Variants in PSD3 observed in about 807,000 individuals in gnomAD.
The protein encoded by PSD3 is PH and SEC7 domain-containing protein 3.
A neutral mutation model predicts 105.5 loss-of-function variants in PSD3; 49 were observed. The ratio of observed to expected loss-of-function variants is 0.46; its 90% CI spans 0.37 to 0.59. PSD3 has a LOEUF of 0.59. Among genes scored for constraint, PSD3 ranks in the 20% least tolerant of loss-of-function variants. PSD3 has a pLI of 0.00. For synonymous variants in PSD3, 557 were observed against 457.8 expected (o/e 1.22, Z -2.77); for missense variants, 1,561 against 1,263.8 (o/e 1.24, Z -3.57).
chr8:18,652,828 A>G (rs1184842021), intron 10 of PSD3, among the ~76,000 whole-genome samples: 6 of 152,098 alleles, frequency 3.9e-5, no homozygotes, highest in Non-Finnish European at 8.8e-5. Flanking sequence ...GATCACATAC[A>G]CTGATAGATG....
At chr8:18,683,949 A>C (rs1001228356) in intron 9 of PSD3, 27 of 760,826 alleles carry the variant, frequency 3.5e-5, no homozygotes, top group East Asian at 1.9e-4. Context: ...AGGTCAACTA[A>C]GGAAGGGGTT....
intron 9 of PSD3, among the ~76,000 whole-genome samples, chr8:18,743,738 A>C (rs2129435277): frequency 6.6e-6 from 1 of 151,070 alleles, no homozygotes; most frequent in Middle Eastern, 3.4e-3. Context: ...GGAATTTGAG[A>C]CCAATCTGGG....
At position 18,655,483 on chromosome 8, in the gene PSD3, T is replaced by C. The variant is rs1408546321; in HGVS notation, c.2216+159A>G. 2.6e-5 allele frequency among the ~76,000 whole-genome samples: 4 copies of C among 152,184 alleles called. No individual in the cohort carries two copies. Among genetic ancestry groups the C allele is most frequent in the Non-Finnish European group, 5.9e-5 (4 of 68,038 alleles). On this transcript the variant is annotated intron_variant, in intron 10 of 15. Transcript: ENST00000327040. Reference sequence around the variant, plus strand: ...GAAATAGGTTTTACTTGTATCTGGGTTTACTTGTATAAAGCCACAAAGTAG... The same window carrying C: ...GAAATAGGTTTTACTTGTATCTGGGCTTACTTGTATAAAGCCACAAAGTAG...
At chr8:18,881,117 T>C (rs187956699) in intron 2 of PSD3, among the ~76,000 whole-genome samples, 2 of 152,350 alleles carry the variant, frequency 1.3e-5, no homozygotes, top group African/African-American at 4.8e-5. Context: ...TCCTAACAAA[T>C]CGTGTTTCCT....
intron 1 of PSD3, chr8:18,979,884 G>A (rs1417960871): frequency 6.6e-6 from 1 of 152,214 alleles, no homozygotes; most frequent in Non-Finnish European, 1.5e-5. Context: ...TTTCTTCTCT[G>A]CTGTGGAAAC....
At chr8:18,732,035 TTC>T (rs1803793925) in intron 9 of PSD3, among the ~76,000 whole-genome samples, 2 of 152,108 alleles carry the variant, frequency 1.3e-5, no homozygotes, top group South Asian at 4.1e-4. Context: ...ACAAGTAATT[TTC>T]TGTCTCTCAT....
chr8:18,733,093 G>A (rs7824687), intron 9 of PSD3: 3 of 151,984 alleles, frequency 2.0e-5, no homozygotes, highest in African/African-American at 7.3e-5. Flanking sequence ...TAAAAATACA[G>A]AAAGAGAACA....
intron 1 of PSD3, among the ~76,000 whole-genome samples, chr8:18,965,882 T>TTAAG (rs1824212217): frequency 6.6e-6 from 1 of 152,184 alleles, no homozygotes; most frequent in Admixed American, 6.5e-5. Flanking sequence ...CAGGCCTGAG[T>TTAAG]TAAGCTCCTG....
intron 10 of PSD3, among the ~76,000 whole-genome samples, chr8:18,634,869 A>G (rs1488577045): frequency 1.3e-5 from 2 of 152,098 alleles, no homozygotes; most frequent in African/African-American, 4.8e-5. Flanking sequence ...TCTACAGTAA[A>G]GTTACTATTT....
chr8:19,029,939 A>G (rs945898875), intron 1 of PSD3, among the ~76,000 whole-genome samples: 1 of 152,216 alleles, frequency 6.6e-6, no homozygotes, highest in African/African-American at 2.4e-5. Flanking sequence ...ATAGCTGATC[A>G]TGACTTTTGT....
At chr8:18,920,682 G>C (rs934363447) in intron 2 of PSD3, among the ~76,000 whole-genome samples, 1 of 151,982 alleles carries the variant, frequency 6.6e-6, no homozygotes, top group Admixed American at 6.5e-5. Context: ...TCTCCTACAT[G>C]AATGTCCAAC....
At chr8:18,851,337 C>A (rs1401119660) in intron 4 of PSD3, among the ~76,000 whole-genome samples, 1 of 152,204 alleles carries the variant, frequency 6.6e-6, no homozygotes, top group Non-Finnish European at 1.5e-5. Context: ...TCTACCTCCA[C>A]CCAAAGATAT....
chr8:18,691,142 G>GA (rs768950394), intron 9 of PSD3, among the ~76,000 whole-genome samples: 84 of 152,224 alleles, frequency 5.5e-4, no homozygotes, highest in Non-Finnish European at 7.1e-4. Flanking sequence ...AGGATGGGGG[G>GA]AAAAATCTTT....
At chr8:18,655,211 C>G (rs572231579) in intron 10 of PSD3, among the ~76,000 whole-genome samples, 1 of 151,304 alleles carries the variant, frequency 6.6e-6, no homozygotes, top group East Asian at 2.0e-4. Context: ...CGCCTGTAGT[C>G]CCAGCTACTC....
At chr8:18,775,320 C>A (rs1392049731) in intron 8 of PSD3, among the ~76,000 whole-genome samples, 2 of 152,126 alleles carry the variant, frequency 1.3e-5, no homozygotes, top group Admixed American at 6.5e-5. Flanking sequence ...CTACAATAAA[C>A]ATGGGAGTGC....
chr8:18,791,933 A>C (rs770061146), intron 8 of PSD3, among the ~76,000 whole-genome samples: 1 of 152,250 alleles, frequency 6.6e-6, no homozygotes, highest in Non-Finnish European at 1.5e-5. Context: ...GACACTTCTC[A>C]AAAGACATAT....
intron 14 of PSD3, among the ~76,000 whole-genome samples, chr8:18,560,175 TACACACACACACACACACACAC>T (rs5889808): frequency 7.0e-6 from 1 of 143,342 alleles, no homozygotes; most frequent in Non-Finnish European, 1.5e-5. Flanking sequence ...ATACACATTT[TACACACACACACACACACACAC>T]ACACACACAC....
chr8:19,027,356 G>A (rs893203616), intron 1 of PSD3, among the ~76,000 whole-genome samples: 1 of 152,146 alleles, frequency 6.6e-6, no homozygotes, highest in Non-Finnish European at 1.5e-5. Flanking sequence ...GTAAGTTCTG[G>A]GAACCCAGCT....
intron 2 of PSD3, among the ~76,000 whole-genome samples, chr8:18,898,990 C>T (rs919795475): frequency 1.3e-5 from 2 of 152,148 alleles, no homozygotes; most frequent in Admixed American, 1.3e-4. Context: ...CAGTACCAAT[C>T]CTTCTTCCAC....
Sources: allele counts gnomAD v4.1 joint callset (sites outside exome capture counted in the v4.1 genomes callset), GRCh38; gene constraint gnomAD v4.1.1; transcripts MANE v1.5; gene names NCBI Gene and HGNC (gene_info 2026-07-23, HGNC 2026-07-21).